The following DNAAF9 variants were observed in gnomAD, a reference collection of about 807,000 sequenced individuals.
DNAAF9 encodes shulin.
DNAAF9 carries 90 observed loss-of-function variants against 167.0 expected under a neutral mutation model. The observed-to-expected ratio is 0.54, with a 90% CI of 0.45 to 0.64. DNAAF9 has a LOEUF of 0.64. Among genes scored for constraint, DNAAF9 ranks in the 30% least tolerant of loss-of-function variants. The pLI is 0.00. For synonymous variants in DNAAF9, 491 were observed against 508.8 expected (o/e 0.96, Z 0.47); for missense variants, 1,315 against 1,442.2 (o/e 0.91, Z 1.43).
intron 27 of DNAAF9, among the ~76,000 whole-genome samples, chr20:3,283,469 T>G (rs2068796584): frequency 6.6e-6 from 1 of 152,236 alleles, no homozygotes; most frequent in Non-Finnish European, 1.5e-5. Flanking sequence ...CTGACAGCCC[T>G]CTGCTCACAG....
In DNAAF9 at chr20:3,407,585, G is replaced by A. The variant is rs1165633379; in HGVS notation, c.-28C>T. On this transcript the variant is annotated 5_prime_UTR_variant, in exon 1 of 37. Transcript: ENST00000252032. Reference sequence around the variant, plus strand: ...CGGCGGACGACTGGCGGCGGAGGAGGACGGTGCAGCTGCGAGGGTCTCAGT... The same window carrying A: ...CGGCGGACGACTGGCGGCGGAGGAGAACGGTGCAGCTGCGAGGGTCTCAGT... The A allele has an allele frequency of 3.3e-6, 4 of 1,229,152 alleles. No homozygotes were observed. The African/African-American group carries it at 4.7e-5, about 14-fold the overall frequency. 76.1% of individuals were successfully genotyped at this position (1,229,152 alleles called of 1,614,324 possible).
In DNAAF9 at chr20:3,407,493, C is replaced by A; in HGVS notation, c.65G>T (p.Arg22Leu). ...CGCGTACCTGACGGAGGGTGACCCG[C>A]GGCTGGAGCCGCCAGGGGACCGAGC... The part of the protein sequence containing the change: ...PRARSPGGSS[R>L]GSPSVSCSRL... The change falls in exon 1 of 37, where the codon CGC becomes CTC. Residue 22 changes from arginine (R) to leucine (L), a missense_variant. Arg to Leu is a moderately radical substitution (Grantham distance 102). This residue lies in a region of DNAAF9 where 981 missense variants were observed against 1,012.5 expected (regional missense o/e 0.97). Transcript: ENST00000252032. 7.7e-7 allele frequency: 1 copy of A among 1,294,918 alleles called. No homozygotes were observed. Among genetic ancestry groups the A allele is most frequent in the Non-Finnish European group, 9.8e-7 (1 of 1,024,426 alleles). 80.2% of individuals were successfully genotyped at this position (1,294,918 alleles called of 1,614,324 possible).
chr20:3,405,729 T>C (rs1364929213), intron 1 of DNAAF9, among the ~76,000 whole-genome samples: 1 of 152,182 alleles, frequency 6.6e-6, no homozygotes, highest in African/African-American at 2.4e-5. Context: ...AGGCAGCATT[T>C]AAGAGACAGA....
At chr20:3,338,678 G>A (rs1018739182) in intron 10 of DNAAF9, among the ~76,000 whole-genome samples, 1 of 138,288 alleles carries the variant, frequency 7.2e-6, no homozygotes, top group Non-Finnish European at 1.5e-5. Flanking sequence ...CTGAGACGGA[G>A]TTTTGCTCTT....
At chr20:3,253,903 C>T in intron 35 of DNAAF9, 84 bp from the exon 36 acceptor site, 9 of 819,570 alleles carry the variant, frequency 1.1e-5, no homozygotes, top group Non-Finnish European at 1.9e-5. Flanking sequence ...GTCTATTTCC[C>T]TAGCAAGATA....
At chr20:3,269,375 T>G (rs2068551761) in intron 30 of DNAAF9, among the ~76,000 whole-genome samples, 1 of 152,044 alleles carries the variant, frequency 6.6e-6, no homozygotes, top group African/African-American at 2.4e-5. Flanking sequence ...TGCTGGCTGT[T>G]TTTTTAAAAA....
rs1160420268 is a variant in DNAAF9, at chr20:3,252,691, T to C, written c.3422-7A>G. ...TTCATGAACTGGTCCATGACTGGTATCTCATTAAGGAAGAGAGCTCTGAGC... is the reference window on the plus strand; with the variant it reads ...TTCATGAACTGGTCCATGACTGGTACCTCATTAAGGAAGAGAGCTCTGAGC... On this transcript the variant is annotated splice_polypyrimidine_tract_variant and splice_region_variant and intron_variant, in intron 36 of 36. Coordinates refer to ENST00000252032, the MANE Select transcript of DNAAF9 (RefSeq NM_001009984.3). 1.3e-6 allele frequency: 2 copies of C among 1,518,604 alleles called. No individual in the cohort carries two copies. The highest frequency in any genetic ancestry group is 1.7e-4 in the Middle Eastern group (1 of 5,896). The allele number at this position is 1,518,604 out of a possible 1,614,324, so 94.1% of individuals were successfully genotyped here. A position where few individuals can be genotyped will look rare whatever the true frequency, so the allele number is the denominator to read the frequency against.
chr20:3,342,789 T>A (rs2070113076), intron 9 of DNAAF9, among the ~76,000 whole-genome samples: 1 of 152,114 alleles, frequency 6.6e-6, no homozygotes, highest in South Asian at 2.1e-4. Context: ...AGAAGAAATG[T>A]CCTCTCTATC....
chr20:3,278,781 CAA>C, intron 29 of DNAAF9, 129 bp downstream of exon 29: 1 of 779,386 alleles, frequency 1.3e-6, no homozygotes, highest in Non-Finnish European at 2.3e-6. Context: ...GTAAAGGTGT[CAA>C]AGTTTTTTCT....
intron 29 of DNAAF9, among the ~76,000 whole-genome samples, chr20:3,275,135 G>A (rs893967646): frequency 6.6e-6 from 1 of 152,172 alleles, no homozygotes; most frequent in East Asian, 1.9e-4. Flanking sequence ...AGTCCAAAAT[G>A]TGGCACAGTG....
chr20:3,269,258 G>A (rs1423256498), intron 30 of DNAAF9, among the ~76,000 whole-genome samples: 1 of 151,250 alleles, frequency 6.6e-6, no homozygotes, highest in Admixed American at 6.6e-5. Context: ...CGCTCAGGCT[G>A]GAGTGCAATG....
intron 18 of DNAAF9, 35 bp downstream of exon 18, chr20:3,316,688 C>G: frequency 1.3e-6 from 2 of 1,501,934 alleles, no homozygotes; most frequent in Non-Finnish European, 1.9e-6. Context: ...TTTCTCCACA[C>G]GTAGGTCCAC....
rs188103947 is a variant in DNAAF9, at chr20:3,270,693, A to G, written c.2651-131T>C. 6.7e-4 allele frequency: 453 copies of G among 674,456 alleles called. 2 individuals are homozygous for G. Among genetic ancestry groups the G allele is most frequent in the Non-Finnish European group, 7.8e-4 (304 of 388,186 alleles). 41.8% of individuals were successfully genotyped at this position (674,456 alleles called of 1,614,324 possible). A position where few individuals can be genotyped will look rare whatever the true frequency, so the allele number is the denominator to read the frequency against. The stretch of plus-strand genomic sequence containing the variant: ...GTCTCCTGATGGAGACAACCCTTAC[A>G]CCCCAATACCAACATAAACAGCTAT... On this transcript the variant is annotated intron_variant, in intron 29 of 36. Transcript: ENST00000252032.
At chr20:3,351,892 A>G (rs2070332850) in intron 7 of DNAAF9, among the ~76,000 whole-genome samples, 1 of 151,816 alleles carries the variant, frequency 6.6e-6, no homozygotes. Flanking sequence ...TCTGTCACCC[A>G]GGCGTGATCT....
At chr20:3,253,046 G>A (rs1191800939) in intron 36 of DNAAF9, among the ~76,000 whole-genome samples, 1 of 152,222 alleles carries the variant, frequency 6.6e-6, no homozygotes, top group Non-Finnish European at 1.5e-5. Context: ...CTCACAGGCT[G>A]GGCGCAGTGG....
intron 10 of DNAAF9, among the ~76,000 whole-genome samples, chr20:3,333,789 C>T (rs1600804668): frequency 1.3e-5 from 2 of 152,184 alleles, no homozygotes; most frequent in Non-Finnish European, 2.9e-5. Context: ...CACTTGTGTA[C>T]ACTTGAGTAC....
chr20:3,259,291 G>A (rs1364810903), intron 33 of DNAAF9, among the ~76,000 whole-genome samples, 189 bp downstream of exon 33: 1 of 152,230 alleles, frequency 6.6e-6, no homozygotes, highest in Non-Finnish European at 1.5e-5. Context: ...GGAGGACCCA[G>A]ACTAAGTAGG....
At chr20:3,295,886 C>G in intron 23 of DNAAF9, 1 of 1,203,816 alleles carries the variant, frequency 8.3e-7, no homozygotes, top group Non-Finnish European at 1.2e-6. Flanking sequence ...GGGAGCCCAG[C>G]CAGTGCCGTC....
In DNAAF9 at chr20:3,289,984, C is replaced by T. The variant is rs1466056523; in HGVS notation, c.2327+145G>A. 3 of 673,378 alleles carry T rather than the reference C, an allele frequency of 4.5e-6. No homozygotes were observed. In the East Asian group the frequency reaches 7.5e-5, roughly 17 times the overall value. The allele number at this position is 673,378 out of a possible 1,614,324, so 41.7% of individuals were successfully genotyped here. On this transcript the variant is annotated intron_variant, in intron 26 of 36. Coordinates refer to ENST00000252032, the MANE Select transcript of DNAAF9 (RefSeq NM_001009984.3). The stretch of plus-strand genomic sequence containing the variant: ...AACAGTGCCTGCCATACAGGAAGTG[C>T]TCAGAAGAGCATATTAAATGAATGG...
Sources: allele counts gnomAD v4.1 joint callset (sites outside exome capture counted in the v4.1 genomes callset), GRCh38; gene constraint gnomAD v4.1.1; regional missense constraint gnomAD v4.1.1; transcripts MANE v1.5; gene names NCBI Gene and HGNC (gene_info 2026-07-23, HGNC 2026-07-21).